NCOA2: variants seen among roughly 807,000 people sequenced by gnomAD.
NCOA2 encodes class E basic helix-loop-helix protein 75.
Under a neutral mutation model 145.1 loss-of-function variants are expected in NCOA2, and 21 were observed. The ratio of observed to expected loss-of-function variants is 0.14; its 90% CI spans 0.10 to 0.21. The LOEUF (loss-of-function observed/expected upper bound fraction) is 0.21, where lower values mean the gene tolerates loss of function less well. NCOA2 is among the 10% of genes least tolerant of loss of function. The pLI, the probability that NCOA2 is intolerant of heterozygous loss-of-function variation, is 1.00. For synonymous variants in NCOA2, 619 were observed against 637.5 expected, an observed-to-expected ratio of 0.97 and a Z score of 0.44; for missense variants, 1,472 against 1,837.6, an observed-to-expected ratio of 0.80 and a Z score of 3.64.
chr8:70,263,164 C>G (rs751214043), intron 2 of NCOA2, among the ~76,000 whole-genome samples: 10 of 146,752 alleles, frequency 6.8e-5, no homozygotes, highest in Non-Finnish European at 1.3e-4. Flanking sequence ...ACTAGCACTG[C>G]GATACCTAGA....
intron 1 of NCOA2, among the ~76,000 whole-genome samples, chr8:70,313,338 C>A (rs1468739664): frequency 6.6e-6 from 1 of 152,152 alleles, no homozygotes; most frequent in Non-Finnish European, 1.5e-5. Context: ...AAACAAGTTT[C>A]TTTTTACTTC....
At chr8:70,287,058 C>T (rs1563724683) in intron 2 of NCOA2, among the ~76,000 whole-genome samples, 1 of 152,010 alleles carries the variant, frequency 6.6e-6, no homozygotes, top group Non-Finnish European at 1.5e-5. Context: ...GCCTGGCCAA[C>T]ATGCTTAAAT....
rs575882614 is a variant in NCOA2, at chr8:70,190,866, T to C, written c.260-16007A>G. Among the ~76,000 whole-genome samples, 17 of 151,890 alleles carry C rather than the reference T, an allele frequency of 1.1e-4. No individual in the cohort carries two copies. The East Asian group carries it at 2.5e-3, about 22-fold the overall frequency. On this transcript the variant is annotated intron_variant, in intron 4 of 22. Transcript: ENST00000452400. Reference sequence around the variant, plus strand: ...AAAAAAAAAGTAAAGTAAAAGAAAGTTGGAAGAAGATGAACTTCAAATGAC... The same window carrying C: ...AAAAAAAAAGTAAAGTAAAAGAAAGCTGGAAGAAGATGAACTTCAAATGAC...
At chr8:70,417,925 G>C in the NCOA2 span, among the ~76,000 whole-genome samples, 1 of 149,008 alleles carries the variant, frequency 6.7e-6, no homozygotes. Context: ...AGGCACGAGA[G>C]AGCCAAAGTG....
chr8:70,198,926 G>A (rs1284202762), intron 4 of NCOA2, among the ~76,000 whole-genome samples: 1 of 152,146 alleles, frequency 6.6e-6, no homozygotes, highest in African/African-American at 2.4e-5. Context: ...CTGGCAATCT[G>A]GACGGACAAT....
the NCOA2 span, among the ~76,000 whole-genome samples, chr8:70,442,436 G>A: frequency 1.3e-5 from 2 of 152,128 alleles, no homozygotes; most frequent in East Asian, 1.9e-4. Flanking sequence ...TATCACTTCG[G>A]TGGAGACAAA....
intron 10 of NCOA2, among the ~76,000 whole-genome samples, chr8:70,159,234 A>ATG (rs1812638544): frequency 1.0e-4 from 8 of 77,408 alleles, no homozygotes; most frequent in African/African-American, 4.2e-4. Flanking sequence ...ATATATATAT[A>ATG]TATATATATT....
At chr8:70,123,442 G>A (rs1019491335) in intron 21 of NCOA2, among the ~76,000 whole-genome samples, 3 of 152,246 alleles carry the variant, frequency 2.0e-5, no homozygotes, top group South Asian at 2.1e-4. Context: ...TGCTTGAGCC[G>A]GGAGACGGAT....
chr8:70,306,816 C>A (rs1278178980), intron 1 of NCOA2, among the ~76,000 whole-genome samples: 1 of 152,140 alleles, frequency 6.6e-6, no homozygotes, highest in African/African-American at 2.4e-5. Flanking sequence ...GAGGTTGAAG[C>A]TGCAGTGAGC....
In NCOA2 at chr8:70,224,050, T is replaced by C. The variant is rs1297970494; in HGVS notation, c.-19-7286A>G. Among the ~76,000 whole-genome samples, 8 of 152,360 alleles carry C rather than the reference T, an allele frequency of 5.3e-5. No individual in the cohort carries two copies. The East Asian group carries it at 1.5e-3, about 29-fold the overall frequency. On this transcript the variant is annotated intron_variant, in intron 2 of 22. Transcript: ENST00000452400. ...GAATCATGTATCCATTTATTCAATATATAACTAATGCTCCAGGCACTGCTG... is the reference window on the plus strand; with the variant it reads ...GAATCATGTATCCATTTATTCAATACATAACTAATGCTCCAGGCACTGCTG...
chr8:70,144,830 G>T lies in NCOA2; in HGVS notation c.2624C>A (p.Pro875Gln). 4.3e-6 allele frequency: 7 copies of T among 1,613,854 alleles called. No homozygotes were observed. The highest frequency in any genetic ancestry group is 5.9e-6 in the Non-Finnish European group (7 of 1,179,802). Residue 875 changes from proline (P) to glutamine (Q), a missense_variant, in exon 13 of 23, where the codon CCA (proline) becomes CAA (glutamine). Around this residue, in one of 4 missense-constraint regions of NCOA2, gnomAD observed 953 missense variants for 1,062.1 expected, o/e 0.90. Coordinates refer to ENST00000452400, the MANE Select transcript of NCOA2 (RefSeq NM_006540.4). ...TGGCAATAACCTGCCCAGTTGCCCT[G>T]GTCGTGGGTTATTAAAAGCTAAGGA... ...ISQSTFNNPRPGQLGRLLPNQ... is the reference protein window; with the variant it reads ...ISQSTFNNPRQGQLGRLLPNQ...
At chr8:70,306,304 T>C (rs1827885440) in intron 1 of NCOA2, among the ~76,000 whole-genome samples, 1 of 152,172 alleles carries the variant, frequency 6.6e-6, no homozygotes, top group Non-Finnish European at 1.5e-5. Context: ...AGAGTTTCTA[T>C]GAACCCAGGA....
intron 1 of NCOA2, among the ~76,000 whole-genome samples, chr8:70,395,145 A>C (rs1813538743): frequency 6.6e-6 from 1 of 152,254 alleles, no homozygotes. Flanking sequence ...AACTTGAAGA[A>C]AAAATTAAAG....
chr8:70,311,275 T>C (rs1008474339), intron 1 of NCOA2, among the ~76,000 whole-genome samples: 11 of 152,130 alleles, frequency 7.2e-5, no homozygotes, highest in African/African-American at 2.2e-4. Flanking sequence ...AGGAATAGGG[T>C]GGGGGAAAGT....
chr8:70,142,445 T>A (rs1214793019), intron 13 of NCOA2, among the ~76,000 whole-genome samples: 1 of 152,198 alleles, frequency 6.6e-6, no homozygotes, highest in Non-Finnish European at 1.5e-5. Context: ...ATGTCTGTAA[T>A]CCCAGCACTT....
At chr8:70,435,875 G>C in the NCOA2 span, among the ~76,000 whole-genome samples, 5 of 151,940 alleles carry the variant, frequency 3.3e-5, no homozygotes, top group African/African-American at 1.2e-4. Flanking sequence ...TGTTGCCCAG[G>C]CTGACCTCTA....
At chr8:70,241,143 T>G (rs1171786865) in intron 2 of NCOA2, among the ~76,000 whole-genome samples, 1 of 152,152 alleles carries the variant, frequency 6.6e-6, no homozygotes, top group Non-Finnish European at 1.5e-5. Context: ...TTCTCTGTGG[T>G]TTTTATACCT....
intron 1 of NCOA2, among the ~76,000 whole-genome samples, chr8:70,305,164 G>A (rs1389395109): frequency 6.6e-6 from 1 of 150,584 alleles, no homozygotes; most frequent in African/African-American, 2.5e-5. Context: ...TGGTTTTACA[G>A]GCGTGACCCA....
At chr8:70,124,134 A>C in intron 20 of NCOA2, 52 bp from the exon 21 acceptor site, 8 of 1,553,026 alleles carry the variant, frequency 5.2e-6, no homozygotes, top group Non-Finnish European at 6.2e-6. Context: ...TGGTATCCAG[A>C]GGCAGGCAGC....
Sources: allele counts gnomAD v4.1 joint callset (sites outside exome capture counted in the v4.1 genomes callset), GRCh38; gene constraint gnomAD v4.1.1; regional missense constraint gnomAD v4.1.1; transcripts MANE v1.5; gene names NCBI Gene and HGNC (gene_info 2026-07-23, HGNC 2026-07-21).